SLC22A24: variants seen among roughly 807,000 people sequenced by gnomAD.
The protein encoded by SLC22A24 is solute carrier family 22 member 24.
SLC22A24 carries 53 observed loss-of-function variants against 49.8 expected under a neutral mutation model. The ratio of observed to expected loss-of-function variants is 1.06; its 90% CI spans 0.85 to 1.34. The LOEUF (loss-of-function observed/expected upper bound fraction) is 1.34. Among genes scored for constraint, SLC22A24 ranks in the 40% most tolerant of loss-of-function variants. The pLI is 0.00. For synonymous variants in SLC22A24, 302 were observed against 256.4 expected (o/e 1.18, Z -1.70); for missense variants, 786 against 675.9 (o/e 1.16, Z -1.81).
intron 4 of SLC22A24, among the ~76,000 whole-genome samples, chr11:63,114,073 C>G (rs2087195334): frequency 6.6e-6 from 1 of 152,016 alleles, no homozygotes; most frequent in Non-Finnish European, 1.5e-5. Context: ...GTATCTTTGT[C>G]ATGTTCTCTG....
chr11:63,118,394 T>G (rs1208128004), intron 4 of SLC22A24: 1 of 157,672 alleles, frequency 6.3e-6, no homozygotes, highest in Non-Finnish European at 1.4e-5. Context: ...GAGATGATTT[T>G]GACAACTTTT....
intron 4 of SLC22A24, 160 bp downstream of exon 4, chr11:63,118,752 T>A: frequency 1.4e-6 from 1 of 734,404 alleles, no homozygotes; most frequent in Non-Finnish European, 2.4e-6. Context: ...TATAGTGTCA[T>A]CCTATTCCAT....
chr11:63,118,660 G>A (rs2087228572), intron 4 of SLC22A24: 1 of 544,824 alleles, frequency 1.8e-6, no homozygotes, highest in South Asian at 2.9e-5. Flanking sequence ...AAAAATAAGT[G>A]GGTATTTTTT....
intron 4 of SLC22A24, among the ~76,000 whole-genome samples, chr11:63,110,878 A>G (rs1464367254): frequency 1.3e-5 from 2 of 148,800 alleles, no homozygotes; most frequent in Non-Finnish European, 3.0e-5. Flanking sequence ...AGAACTTCCA[A>G]CACTATGTTG....
chr11:63,118,706 C>T, intron 4 of SLC22A24: 1 of 551,110 alleles, frequency 1.8e-6, no homozygotes, highest in Non-Finnish European at 3.2e-6. Flanking sequence ...AATTCCATGT[C>T]TAAAATAATG....
At chr11:63,115,171 G>C (rs993965072) in intron 4 of SLC22A24, among the ~76,000 whole-genome samples, 2 of 152,230 alleles carry the variant, frequency 1.3e-5, no homozygotes, top group Admixed American at 6.5e-5. Flanking sequence ...GCCCACAGAG[G>C]TGGAATCTAG....
chr11:63,107,285 G>A lies in SLC22A24; in HGVS notation c.831-2987C>T, dbSNP rs566543302. ...CTGAGGCCTCTGTTCTGTTCCATTG[G>A]TCTATATCTCTGTTTTGGTACCAGT... On this transcript the variant is annotated intron_variant, in intron 4 of 9. Transcript: ENST00000612278. 3.5e-4 allele frequency among the ~76,000 whole-genome samples: 54 copies of A among 152,118 alleles called. No individual in the cohort carries two copies. The South Asian group carries it at 4.2e-3, about 12-fold the overall frequency.
chr11:63,126,788 T>C (rs962863768), intron 2 of SLC22A24, among the ~76,000 whole-genome samples: 3 of 152,202 alleles, frequency 2.0e-5, no homozygotes, highest in African/African-American at 7.2e-5. Context: ...TTTTTATCCA[T>C]GAGCATGGAA....
At chr11:63,098,972 T>TG (rs895589490) in intron 5 of SLC22A24, among the ~76,000 whole-genome samples, 13 of 152,252 alleles carry the variant, frequency 8.5e-5, no homozygotes, top group Admixed American at 7.2e-4. Flanking sequence ...TATTAAAGGC[T>TG]GGTATGAGCA....
At chr11:63,104,478 A>G (rs988030280) in intron 4 of SLC22A24, among the ~76,000 whole-genome samples, 180 bp from the exon 5 acceptor site, 1 of 152,142 alleles carries the variant, frequency 6.6e-6, no homozygotes, top group African/African-American at 2.4e-5. Flanking sequence ...CTGGCCATCA[A>G]TAAGTGTTTG....
intron 6 of SLC22A24, among the ~76,000 whole-genome samples, chr11:63,086,195 CA>C (rs2086986034): frequency 6.6e-6 from 1 of 152,108 alleles, no homozygotes; most frequent in African/African-American, 2.4e-5. Flanking sequence ...GATATACACC[CA>C]AAGGAATATA....
intron 5 of SLC22A24, 147 bp downstream of exon 5, chr11:63,104,028 A>T: frequency 1.5e-6 from 1 of 660,898 alleles, no homozygotes; most frequent in Non-Finnish European, 2.4e-6. Context: ...CTTTGACAGG[A>T]GGAAAGATAT....
chr11:63,088,805 T>A (rs1199941506), intron 6 of SLC22A24, among the ~76,000 whole-genome samples: 1 of 151,642 alleles, frequency 6.6e-6, no homozygotes, highest in Non-Finnish European at 1.5e-5. Context: ...GCCAAATTGA[T>A]CAAGCAGAAT....
At chr11:63,090,279 A>G (rs181685887) in intron 6 of SLC22A24, among the ~76,000 whole-genome samples, 1,846 of 152,020 alleles carry the variant, frequency 0.012, 18 homozygotes, top group Non-Finnish European at 0.02. Flanking sequence ...TTAACACCCC[A>G]CTGTCAATAT....
intron 6 of SLC22A24, among the ~76,000 whole-genome samples, chr11:63,092,551 C>T (rs1180207423): frequency 6.2e-4 from 11 of 17,640 alleles, no homozygotes; most frequent in Non-Finnish European, 1.7e-3. Flanking sequence ...CATCTACAAC[C>T]ATCTGATCTT....
chr11:63,083,182 A>T, intron 7 of SLC22A24, 61 bp downstream of exon 7: 1 of 1,360,770 alleles, frequency 7.3e-7, no homozygotes, highest in Non-Finnish European at 1.0e-6. Flanking sequence ...ATAAAAGACC[A>T]ATGTAATCCC....
chr11:63,100,512 C>A (rs1478683210), intron 5 of SLC22A24, among the ~76,000 whole-genome samples: 1 of 152,030 alleles, frequency 6.6e-6, no homozygotes, highest in Non-Finnish European at 1.5e-5. Context: ...TCTACAGATA[C>A]AATGCAATAT....
At chr11:63,082,660 C>T (rs1285502752) in intron 7 of SLC22A24, among the ~76,000 whole-genome samples, 10 of 152,174 alleles carry the variant, frequency 6.6e-5, no homozygotes, top group African/African-American at 2.2e-4. Context: ...GAGACTTTTT[C>T]TTGTTCCAAC....
At chr11:63,141,543 A>T (rs1349457392) in intron 1 of SLC22A24, among the ~76,000 whole-genome samples, 1 of 152,200 alleles carries the variant, frequency 6.6e-6, no homozygotes, top group Non-Finnish European at 1.5e-5. Flanking sequence ...CTGGCCTCAT[A>T]CCTTGTCCAG....
Sources: allele counts gnomAD v4.1 joint callset (sites outside exome capture counted in the v4.1 genomes callset), GRCh38; gene constraint gnomAD v4.1.1; transcripts MANE v1.5; gene names NCBI Gene and HGNC (gene_info 2026-07-23, HGNC 2026-07-21).